SLC9B1: variants seen among roughly 807,000 people sequenced by gnomAD.
SLC9B1 encodes the protein solute carrier family 9 member B1.
Under a neutral mutation model 51.7 loss-of-function variants are expected in SLC9B1, and 32 were observed. The ratio of observed to expected loss-of-function variants is 0.62; its 90% CI spans 0.47 to 0.83. The LOEUF (loss-of-function observed/expected upper bound fraction) is 0.83, where lower values mean the gene tolerates loss of function less well. Ranked by LOEUF, SLC9B1 falls within the 40% of genes least tolerant of loss-of-function variation. SLC9B1 has a pLI of 0.00. For missense variants in SLC9B1, 406 were observed against 613.2 expected, an observed-to-expected ratio of 0.66 and a Z score of 3.57; for synonymous variants, 145 against 212.7, an observed-to-expected ratio of 0.68 and a Z score of 2.77.
intron 3 of SLC9B1, among the ~76,000 whole-genome samples, chr4:102,976,518 C>G (rs1374687177): frequency 2.0e-5 from 3 of 152,106 alleles, no homozygotes; most frequent in Non-Finnish European, 4.4e-5. Context: ...AGAGCTAATA[C>G]CTGCTTTGAA....
intron 1 of SLC9B1, chr4:103,014,950 T>C (rs1036570816): frequency 3.9e-5 from 6 of 152,094 alleles, no homozygotes; most frequent in Admixed American, 3.9e-4. Flanking sequence ...GAGAATGAAA[T>C]GAGATAAAGA....
intron 1 of SLC9B1, among the ~76,000 whole-genome samples, chr4:102,995,845 T>C (rs1483160086): frequency 6.6e-6 from 1 of 152,208 alleles, no homozygotes; most frequent in Non-Finnish European, 1.5e-5. Context: ...AATTAAATTA[T>C]AATAGCTAAT....
intron 1 of SLC9B1, among the ~76,000 whole-genome samples, chr4:103,007,876 A>G (rs935716552): frequency 2.6e-5 from 4 of 152,098 alleles, no homozygotes; most frequent in Admixed American, 6.5e-5. Flanking sequence ...TTTATTGGGC[A>G]TAGTACTATC....
chr4:102,931,707 G>A (rs955517857), intron 7 of SLC9B1, among the ~76,000 whole-genome samples: 9 of 152,294 alleles, frequency 5.9e-5, no homozygotes, highest in African/African-American at 2.2e-4. Flanking sequence ...GGCTGACCCA[G>A]CTCTGTATGT....
chr4:102,968,013 T>C (rs1322660723), intron 3 of SLC9B1, among the ~76,000 whole-genome samples: 4 of 152,192 alleles, frequency 2.6e-5, no homozygotes, highest in African/African-American at 4.8e-5. Context: ...TCTAAAATTA[T>C]ATAGAAATAC....
chr4:102,977,150 C>CA (rs1331503660), intron 3 of SLC9B1, among the ~76,000 whole-genome samples: 1 of 140,000 alleles, frequency 7.1e-6, no homozygotes, highest in Non-Finnish European at 1.5e-5. Flanking sequence ...ACTCTGCCTC[C>CA]AAAAAAAGAA....
rs1191695459 is a variant in SLC9B1 at position 102,991,699 on chromosome 4, C to T, written c.13G>A (p.Glu5Lys). Residue 5 changes from glutamate (E) to lysine (K), a missense_variant, in exon 2 of 12, where the codon GAA becomes AAA. By Grantham distance (56) the Glu-to-Lys change is moderately conservative (BLOSUM62 1). This residue lies in a region of SLC9B1 where 108 missense variants were observed against 94.5 expected (regional missense o/e 1.14). Coordinates refer to ENST00000296422, the MANE Select transcript of SLC9B1 (RefSeq NM_139173.4). ...TCCTCCAAATGTTCATTTTTTGATT[C>T]TGTGGTATGCATGCTAAGATTTAAA... MHTT[E>K]SKNEHLEDEN... The T allele has an allele frequency of 6.3e-7, 1 of 1,581,304 alleles. No individual in the cohort carries two copies.
At chr4:102,909,332 T>C (rs1226058278) in intron 9 of SLC9B1, among the ~76,000 whole-genome samples, 3 of 151,332 alleles carry the variant, frequency 2.0e-5, no homozygotes, top group Non-Finnish European at 4.4e-5. Context: ...ACTCTATCCC[T>C]ATAGATGTAC....
At chr4:102,948,654 T>C (rs970630469) in intron 4 of SLC9B1, among the ~76,000 whole-genome samples, 5 of 152,208 alleles carry the variant, frequency 3.3e-5, no homozygotes, top group African/African-American at 1.2e-4. Context: ...TGACATCATG[T>C]CCTTTGCAGC....
intron 11 of SLC9B1, among the ~76,000 whole-genome samples, chr4:102,902,391 T>C (rs1302833407): frequency 1.3e-5 from 2 of 152,198 alleles, no homozygotes; most frequent in Non-Finnish European, 2.9e-5. Flanking sequence ...CATTTTTATA[T>C]CGTAACTTTT....
intron 1 of SLC9B1, among the ~76,000 whole-genome samples, chr4:103,008,993 T>G (rs1183456901): frequency 6.6e-6 from 1 of 151,888 alleles, no homozygotes; most frequent in Non-Finnish European, 1.5e-5. Context: ...TAGAGACGGG[T>G]TTCACCGTGT....
chr4:102,902,914 G>A (rs1436586383), intron 11 of SLC9B1, among the ~76,000 whole-genome samples: 1 of 152,190 alleles, frequency 6.6e-6, no homozygotes, highest in Non-Finnish European at 1.5e-5. Flanking sequence ...TATGTTAGCA[G>A]CAGAGAACGG....
chr4:102,901,053 A>C lies in SLC9B1; in HGVS notation c.*64T>G. 1 of 1,602,806 alleles carries C rather than the reference A, an allele frequency of 6.2e-7. No individual in the cohort carries two copies. The highest frequency in any genetic ancestry group is 2.2e-5 in the East Asian group (1 of 44,682). On this transcript the variant is annotated 3_prime_UTR_variant, in exon 12 of 12. Transcript: ENST00000296422. ...ACAGTCCCCACATATTTCTACTTTA[A>C]AATTCTTCTGTCATGTGAAATAATT...
intron 6 of SLC9B1, among the ~76,000 whole-genome samples, chr4:102,942,453 C>A (rs1177261083): frequency 6.6e-6 from 1 of 152,126 alleles, no homozygotes; most frequent in East Asian, 1.9e-4. Context: ...GTCACCAAAG[C>A]AGCATAACAC....
At chr4:102,954,511 AAAC>A (rs1441286137) in intron 3 of SLC9B1, among the ~76,000 whole-genome samples, 2 of 150,664 alleles carry the variant, frequency 1.3e-5, no homozygotes, top group African/African-American at 4.9e-5. Flanking sequence ...ATAATCGAAT[AAAC>A]AATAGAGCAG....
At chr4:102,973,881 AAATGT>A (rs1382817736) in intron 3 of SLC9B1, among the ~76,000 whole-genome samples, 1 of 152,206 alleles carries the variant, frequency 6.6e-6, no homozygotes, top group Non-Finnish European at 1.5e-5. Flanking sequence ...TTATATCTTT[AAATGT>A]TTATATTGAA....
intron 6 of SLC9B1, chr4:102,941,418 A>C: frequency 2.2e-6 from 1 of 454,298 alleles, no homozygotes; most frequent in South Asian, 1.6e-5. Flanking sequence ...AACATTAGAG[A>C]AATGCAAAAC....
At chr4:102,922,048 G>A (rs1162237042) in intron 7 of SLC9B1, among the ~76,000 whole-genome samples, 2 of 152,164 alleles carry the variant, frequency 1.3e-5, no homozygotes, top group Non-Finnish European at 2.9e-5. Flanking sequence ...ACTCAGCTCT[G>A]CAACAAACAG....
chr4:102,960,665 G>C (rs1330983847), intron 3 of SLC9B1, among the ~76,000 whole-genome samples: 2 of 151,732 alleles, frequency 1.3e-5, no homozygotes, highest in African/African-American at 2.4e-5. Context: ...TATGAGTTTA[G>C]AGTCACTGTA....
Sources: gnomAD v4.1 joint callset for allele counts (sites outside exome capture counted in the v4.1 genomes callset) on GRCh38, gnomAD v4.1.1 for gene constraint, gnomAD v4.1.1 regional missense constraint, MANE v1.5 for transcripts, NCBI Gene and HGNC (gene_info 2026-07-23, HGNC 2026-07-21) for gene names.